Variants in ZNF804B observed in about 807,000 individuals in gnomAD.
ZNF804B encodes zinc finger protein 804B, also known as zinc finger 804B.
In ZNF804B, 80 loss-of-function variants were observed where a neutral mutation model predicts 101.4. The observed-to-expected ratio is 0.79, with a 90% CI of 0.66 to 0.95. ZNF804B has a LOEUF of 0.95. Among genes scored for constraint, ZNF804B ranks in the 40% least tolerant of loss-of-function variants. The probability of loss-of-function intolerance (pLI) is 0.00; values close to 1 mark genes in which losing one functional copy is unlikely to be tolerated. For missense variants in ZNF804B, 1,673 were observed against 1,561.9 expected (o/e 1.07, Z -1.20); for synonymous variants, 622 against 558.8 (o/e 1.11, Z -1.59).
intron 2 of ZNF804B, among the ~76,000 whole-genome samples, chr7:89,311,837 TG>T (rs1468373342): frequency 6.6e-6 from 1 of 152,200 alleles, no homozygotes; most frequent in Non-Finnish European, 1.5e-5. Flanking sequence ...TGATATAATA[TG>T]GGTTACAATG....
chr7:89,011,102 A>T (rs1003966705), intron 1 of ZNF804B, among the ~76,000 whole-genome samples: 3 of 152,162 alleles, frequency 2.0e-5, no homozygotes, highest in Non-Finnish European at 4.4e-5. Flanking sequence ...GGCAGAAGGC[A>T]CCTCTTCACA....
intron 1 of ZNF804B, among the ~76,000 whole-genome samples, chr7:88,854,539 C>CT (rs377000803): frequency 0.011 from 778 of 73,364 alleles, 32 homozygotes; most frequent in East Asian, 0.083. Context: ...TCCTTCCTTC[C>CT]TTCCTTCCTT....
intron 3 of ZNF804B, among the ~76,000 whole-genome samples, chr7:89,329,032 G>T (rs1363260194): frequency 6.6e-6 from 1 of 151,610 alleles, no homozygotes; most frequent in Non-Finnish European, 1.5e-5. Flanking sequence ...TTATTTAGAA[G>T]TTCCAAGTTT....
At chr7:88,778,173 T>C (rs1334983222) in intron 1 of ZNF804B, among the ~76,000 whole-genome samples, 2 of 152,218 alleles carry the variant, frequency 1.3e-5, no homozygotes, top group Admixed American at 1.3e-4. Flanking sequence ...TAATGTTTTT[T>C]TTCCAGCTTC....
chr7:89,054,709 T>C (rs771213116), intron 1 of ZNF804B, among the ~76,000 whole-genome samples: 2 of 152,104 alleles, frequency 1.3e-5, no homozygotes, highest in Non-Finnish European at 2.9e-5. Flanking sequence ...AGCACGCTTA[T>C]TCATTTATTT....
chr7:88,856,169 G>A (rs1207744146), intron 1 of ZNF804B, among the ~76,000 whole-genome samples: 3 of 152,122 alleles, frequency 2.0e-5, no homozygotes, highest in African/African-American at 7.2e-5. Flanking sequence ...GATGGGGGAT[G>A]GCAATGAATC....
rs1417071839 is a variant in ZNF804B, at chr7:89,038,237, T to G, written c.109-179918T>G. Reference sequence around the variant, plus strand: ...GATTGTTTTTAATTTGTGAGAAACCTCCATACTCTTTTCCATAATGTGTAT... The same window carrying G: ...GATTGTTTTTAATTTGTGAGAAACCGCCATACTCTTTTCCATAATGTGTAT... On this transcript the variant is annotated intron_variant, in intron 1 of 3. Transcript: ENST00000333190. 6.6e-5 allele frequency among the ~76,000 whole-genome samples: 10 copies of G among 152,252 alleles called. No homozygotes were observed. In the East Asian group the frequency reaches 1.7e-3, roughly 26 times the overall value.
intron 2 of ZNF804B, among the ~76,000 whole-genome samples, chr7:89,230,769 T>C: frequency 1.1e-5 from 1 of 88,618 alleles, no homozygotes; most frequent in African/African-American, 3.6e-5. Context: ...TTCCTAACTG[T>C]ACATTATTCA....
intron 1 of ZNF804B, among the ~76,000 whole-genome samples, chr7:89,035,229 T>C (rs181957055): frequency 3.3e-5 from 5 of 152,246 alleles, no homozygotes; most frequent in African/African-American, 4.8e-5. Context: ...ATGGTTACTG[T>C]TATAATTATT....
At chr7:88,875,454 G>A (rs1454936654) in intron 1 of ZNF804B, among the ~76,000 whole-genome samples, 15 of 151,912 alleles carry the variant, frequency 9.9e-5, no homozygotes, top group Non-Finnish European at 1.9e-4. Flanking sequence ...TCAAATAGAC[G>A]CAATAAAAAA....
At chr7:89,107,832 T>A (rs976322597) in intron 1 of ZNF804B, among the ~76,000 whole-genome samples, 2 of 152,132 alleles carry the variant, frequency 1.3e-5, no homozygotes, top group African/African-American at 4.8e-5. Flanking sequence ...CCGCTATTAC[T>A]AAGCGGCATG....
intron 2 of ZNF804B, among the ~76,000 whole-genome samples, chr7:89,253,565 A>G (rs551231738): frequency 1.3e-5 from 2 of 152,276 alleles, no homozygotes; most frequent in South Asian, 4.1e-4. Context: ...TTCAGTCAGA[A>G]TCAAAATAAC....
chr7:89,030,465 CAAAA>C (rs932053423), intron 1 of ZNF804B, among the ~76,000 whole-genome samples: 1 of 151,258 alleles, frequency 6.6e-6, no homozygotes, highest in Non-Finnish European at 1.5e-5. Flanking sequence ...TTGATCATGA[CAAAA>C]AAAACAAGAT....
At chr7:89,283,695 ATTATT>A (rs1790134049) in intron 2 of ZNF804B, among the ~76,000 whole-genome samples, 1 of 151,920 alleles carries the variant, frequency 6.6e-6, no homozygotes, top group Admixed American at 6.6e-5. Flanking sequence ...AATTGTTTTT[ATTATT>A]TTATATTTTT....
intron 1 of ZNF804B, among the ~76,000 whole-genome samples, chr7:89,101,474 TAATAA>T (rs1301034014): frequency 6.6e-6 from 1 of 152,032 alleles, no homozygotes; most frequent in African/African-American, 2.4e-5. Flanking sequence ...CTACTTATGG[TAATAA>T]AATATATTAA....
intron 1 of ZNF804B, among the ~76,000 whole-genome samples, chr7:88,766,210 T>C (rs1468862609): frequency 6.6e-6 from 1 of 152,028 alleles, no homozygotes; most frequent in Non-Finnish European, 1.5e-5. Flanking sequence ...CTTGGAAGGC[T>C]GAGGAAGGAG....
intron 1 of ZNF804B, among the ~76,000 whole-genome samples, chr7:89,204,364 G>T (rs1316502713): frequency 6.6e-6 from 1 of 152,112 alleles, no homozygotes; most frequent in Non-Finnish European, 1.5e-5. Context: ...GAATTGATGA[G>T]GTGGTAATTA....
At chr7:88,899,612 C>T (rs1792358727) in intron 1 of ZNF804B, among the ~76,000 whole-genome samples, 1 of 152,150 alleles carries the variant, frequency 6.6e-6, no homozygotes. Flanking sequence ...TCGAAACAAA[C>T]ATAATGGATT....
intron 2 of ZNF804B, among the ~76,000 whole-genome samples, chr7:89,313,099 T>C (rs1402167792): frequency 1.3e-5 from 2 of 152,152 alleles, no homozygotes; most frequent in Non-Finnish European, 2.9e-5. Context: ...GACACTGTTA[T>C]AAATGTCCAG....
Sources: allele counts gnomAD v4.1 joint callset (sites outside exome capture counted in the v4.1 genomes callset), GRCh38; gene constraint gnomAD v4.1.1; transcripts MANE v1.5; gene names NCBI Gene and HGNC (gene_info 2026-07-23, HGNC 2026-07-21).